NEK1: variants seen among roughly 807,000 people sequenced by gnomAD.
The protein encoded by NEK1 is NIMA related kinase 1.
NEK1 carries 137 observed loss-of-function variants against 182.1 expected under a neutral mutation model. That is an observed-to-expected ratio of 0.75 (90% CI 0.65 to 0.87). NEK1 has a LOEUF of 0.87. Among genes scored for constraint, NEK1 ranks in the 40% least tolerant of loss-of-function variants. NEK1 has a pLI of 0.00. For synonymous variants in NEK1, 513 were observed against 492.2 expected, an observed-to-expected ratio of 1.04 and a Z score of -0.56; for missense variants, 1,391 against 1,494.4, an observed-to-expected ratio of 0.93 and a Z score of 1.14.
In NEK1 at chr4:169,393,350, G is replaced by A. The variant is rs1369801942; in HGVS notation, c.*1160C>T. ...TTAAAAAATCAAGTATTTAGTTTCG[G>A]ATATTAGAAATAATATACATAATAA... On this transcript the variant is annotated 3_prime_UTR_variant, in exon 36 of 36. Coordinates refer to ENST00000507142, the MANE Select transcript of NEK1 (RefSeq NM_001199397.3). 6.6e-6 allele frequency: 1 copy of A among 152,078 alleles called. No homozygotes were observed. The highest frequency in any genetic ancestry group is 1.5e-5 in the Non-Finnish European group (1 of 68,004). The allele number at this position is 152,078 out of a possible 1,614,324, so 9.4% of individuals were successfully genotyped here.
At chr4:169,523,321 T>C (rs1043233825) in intron 19 of NEK1, among the ~76,000 whole-genome samples, 3 of 152,112 alleles carry the variant, frequency 2.0e-5, no homozygotes, top group Admixed American at 6.5e-5. Context: ...TATTTAGAGA[T>C]AGGATGTTTC....
chr4:169,516,428 G>A lies in NEK1; in HGVS notation c.1666-7576C>T, dbSNP rs1435858911. On this transcript the variant is annotated intron_variant, in intron 19 of 35. Coordinates refer to ENST00000507142, the MANE Select transcript of NEK1 (RefSeq NM_001199397.3). ...GGCCTTTGTCAGATGAGTAGGTTGC[G>A]AAAATTTTCTCCCATGTTGTAGGTT... is the stretch of plus-strand genomic sequence containing the variant. Among the ~76,000 whole-genome samples, 234 of 115,318 alleles carry A rather than the reference G, an allele frequency of 2.0e-3. 8 individuals carry two copies. In the Middle Eastern group the frequency reaches 0.025, roughly 12 times the overall value. The allele number at this position is 115,318 out of a possible 152,430, so 75.7% of individuals were successfully genotyped here. A position where few individuals can be genotyped will look rare whatever the true frequency, so the allele number is the denominator to read the frequency against.
rs1306703223 is a variant in NEK1, at chr4:169,612,444, A to C, written c.-395T>G. 3 of 151,414 alleles carry C rather than the reference A, an allele frequency of 2.0e-5. No individual in the cohort carries two copies. Among genetic ancestry groups the C allele is most frequent in the Non-Finnish European group, 4.4e-5 (3 of 68,072 alleles). 9.4% of individuals were successfully genotyped at this position (151,414 alleles called of 1,614,324 possible). The stretch of plus-strand genomic sequence containing the variant: ...GGGGTGGGGACGGGCGGCGTTCGGG[A>C]CTGGGAAGCTACTTGACTGCCACGT... On this transcript the variant is annotated 5_prime_UTR_variant, in exon 1 of 36. Coordinates refer to ENST00000507142, the MANE Select transcript of NEK1 (RefSeq NM_001199397.3).
At position 169,602,778 on chromosome 4, in the gene NEK1, T is replaced by A. The variant is rs1029599649; in HGVS notation, c.-48-100A>T. On this transcript the variant is annotated intron_variant, in intron 2 of 35. Transcript: ENST00000507142. ...AAATTCTAATTCTTTAGTGATTTGC[T>A]AACATTTTAAAAAAGGATATTTAAT... 5.4e-6 allele frequency: 3 copies of A among 550,568 alleles called. No homozygotes were observed. In the African/African-American group the frequency reaches 5.9e-5, roughly 11 times the overall value. The allele number at this position is 550,568 out of a possible 1,614,324, so 34.1% of individuals were successfully genotyped here. A position where few individuals can be genotyped will look rare whatever the true frequency, so the allele number is the denominator to read the frequency against.
chr4:169,508,968 T>G (rs77364636), intron 19 of NEK1, 116 bp from the exon 20 acceptor site: 1 of 715,142 alleles, frequency 1.4e-6, no homozygotes, highest in South Asian at 2.3e-5. Context: ...CATTTATTGA[T>G]GATAAACTGT....
In NEK1 at chr4:169,537,071, C is replaced by T. The variant is rs577885404; in HGVS notation, c.1665+738G>A. On this transcript the variant is annotated intron_variant, in intron 19 of 35. Coordinates refer to ENST00000507142, the MANE Select transcript of NEK1 (RefSeq NM_001199397.3). Reference sequence around the variant, plus strand: ...AATAAGTCTAATTAAAATATATTACCATCTAATTAACCTATTTCTTATATG... The same window carrying T: ...AATAAGTCTAATTAAAATATATTACTATCTAATTAACCTATTTCTTATATG... Among the ~76,000 whole-genome samples, 69 of 152,112 alleles carry T rather than the reference C, an allele frequency of 4.5e-4. 1 individual carries two copies. The South Asian group carries it at 0.014, about 31-fold the overall frequency.
intron 29 of NEK1, 89 bp downstream of exon 29, chr4:169,433,456 T>G: frequency 8.3e-7 from 1 of 1,201,380 alleles, no homozygotes; most frequent in East Asian, 2.4e-5. Flanking sequence ...TAGGATATTA[T>G]GTTGCAATAT....
chr4:169,416,227 A>G (rs1471741112), intron 31 of NEK1, among the ~76,000 whole-genome samples: 1 of 152,126 alleles, frequency 6.6e-6, no homozygotes, highest in Admixed American at 6.5e-5. Context: ...AAATGTTCTC[A>G]TGTCTTATCC....
chr4:169,501,725 C>T (rs1752453536), intron 23 of NEK1, among the ~76,000 whole-genome samples: 1 of 151,914 alleles, frequency 6.6e-6, no homozygotes, highest in Admixed American at 6.6e-5. Flanking sequence ...ACACTACATA[C>T]CAAAACCTCT....
chr4:169,498,833 T>TA (rs1392343644), intron 23 of NEK1, among the ~76,000 whole-genome samples: 10 of 152,212 alleles, frequency 6.6e-5, no homozygotes, highest in Non-Finnish European at 1.2e-4. Flanking sequence ...TGGCTGCCCT[T>TA]AACATTTTTT....
chr4:169,396,685 T>A (rs1730786455), intron 35 of NEK1, among the ~76,000 whole-genome samples: 1 of 152,214 alleles, frequency 6.6e-6, no homozygotes, highest in Admixed American at 6.5e-5. Context: ...TGAGGCTGTC[T>A]TTTCAGGACT....
At chr4:169,424,339 A>G (rs1435542924) in intron 31 of NEK1, among the ~76,000 whole-genome samples, 7 of 152,192 alleles carry the variant, frequency 4.6e-5, no homozygotes, top group African/African-American at 1.7e-4. Context: ...AAAAGACTCT[A>G]TAAAAAAAAT....
chr4:169,523,444 T>C (rs1756414998), intron 19 of NEK1, among the ~76,000 whole-genome samples: 1 of 152,152 alleles, frequency 6.6e-6, no homozygotes. Flanking sequence ...AACATGAAGA[T>C]GAAGGCAGAG....
chr4:169,525,871 A>G (rs1580467291), intron 19 of NEK1, among the ~76,000 whole-genome samples: 1 of 152,328 alleles, frequency 6.6e-6, no homozygotes, highest in East Asian at 1.9e-4. Context: ...AGAGTCAGAC[A>G]TTCTGGGTTT....
At chr4:169,399,940 G>T in intron 35 of NEK1, 1 of 372,924 alleles carries the variant, frequency 2.7e-6, no homozygotes, top group Non-Finnish European at 5.0e-6. Flanking sequence ...TATTCTAATT[G>T]CTAGAGCTGT....
intron 24 of NEK1, among the ~76,000 whole-genome samples, chr4:169,479,015 G>A (rs1225991433): frequency 6.6e-6 from 1 of 152,218 alleles, no homozygotes; most frequent in East Asian, 1.9e-4. Context: ...ATGTAAATAT[G>A]TGTTGGACCT....
At chr4:169,487,790 T>C (rs1238492343) in intron 23 of NEK1, among the ~76,000 whole-genome samples, 1 of 152,158 alleles carries the variant, frequency 6.6e-6, no homozygotes, top group African/African-American at 2.4e-5. Flanking sequence ...ACAGTGTAAA[T>C]GCATTCCTTT....
chr4:169,541,244 T>A (rs1203817013), intron 18 of NEK1, among the ~76,000 whole-genome samples: 1 of 152,124 alleles, frequency 6.6e-6, no homozygotes, highest in Non-Finnish European at 1.5e-5. Context: ...CTGTTGTTAG[T>A]TTTATCCAAA....
chr4:169,606,107 A>G (rs1319295439), intron 2 of NEK1, among the ~76,000 whole-genome samples: 4 of 151,882 alleles, frequency 2.6e-5, no homozygotes, highest in African/African-American at 9.7e-5. Context: ...ATATAATGTC[A>G]ACACTGTTTA....
Sources: gnomAD v4.1 joint callset for allele counts (sites outside exome capture counted in the v4.1 genomes callset) on GRCh38, gnomAD v4.1.1 for gene constraint, MANE v1.5 for transcripts, NCBI Gene and HGNC (gene_info 2026-07-23, HGNC 2026-07-21) for gene names.